UBE2E2: variants seen among roughly 807,000 people sequenced by gnomAD.
UBE2E2 encodes the protein ubiquitin conjugating enzyme E2 E2.
Under a neutral mutation model 24.7 loss-of-function variants are expected in UBE2E2, and 6 were observed. The observed-to-expected ratio is 0.24, with a 90% CI of 0.13 to 0.48. The LOEUF (loss-of-function observed/expected upper bound fraction) is 0.48. UBE2E2 is among the 20% of genes least tolerant of loss of function. The pLI is 0.99. For synonymous variants in UBE2E2, 104 were observed against 83.6 expected, an observed-to-expected ratio of 1.24 and a Z score of -1.33; for missense variants, 169 against 245.0, an observed-to-expected ratio of 0.69 and a Z score of 2.07.
chr3:23,375,457 C>T (rs1198574886), intron 3 of UBE2E2, among the ~76,000 whole-genome samples: 1 of 152,132 alleles, frequency 6.6e-6, no homozygotes, highest in East Asian at 1.9e-4. Context: ...ACACTTAGTC[C>T]TCATCCTCAA....
chr3:23,264,355 A>AC (rs1697984892), intron 3 of UBE2E2, among the ~76,000 whole-genome samples: 1 of 152,060 alleles, frequency 6.6e-6, no homozygotes, highest in African/African-American at 2.4e-5. Flanking sequence ...AAAATAAAAA[A>AC]CAAAAAAAGG....
intron 3 of UBE2E2, among the ~76,000 whole-genome samples, chr3:23,338,329 GA>G (rs906215557): frequency 1.3e-5 from 2 of 151,912 alleles, no homozygotes; most frequent in East Asian, 1.9e-4. Context: ...TTTAACATCA[GA>G]AAAAAAGAGC....
At chr3:23,307,166 G>A (rs756400571) in intron 3 of UBE2E2, among the ~76,000 whole-genome samples, 5 of 152,108 alleles carry the variant, frequency 3.3e-5, no homozygotes, top group Middle Eastern at 6.8e-3. Flanking sequence ...CTCCCTTTCC[G>A]TTTTGTCTTT....
chr3:23,290,819 C>A (rs1245591613), intron 3 of UBE2E2, among the ~76,000 whole-genome samples: 1 of 147,690 alleles, frequency 6.8e-6, no homozygotes, highest in African/African-American at 2.5e-5. Flanking sequence ...TCTGGGGAGG[C>A]CAAGGTGGGA....
chr3:23,206,994 T>C (rs1021678441), intron 1 of UBE2E2, among the ~76,000 whole-genome samples: 9 of 152,208 alleles, frequency 5.9e-5, no homozygotes, highest in African/African-American at 1.9e-4. Context: ...TTTAAAGATA[T>C]ATTTTTTGCT....
At chr3:23,221,253 T>C (rs1248787710) in intron 3 of UBE2E2, among the ~76,000 whole-genome samples, 1 of 152,230 alleles carries the variant, frequency 6.6e-6, no homozygotes, top group African/African-American at 2.4e-5. Flanking sequence ...AAGAATCTGC[T>C]CATGGAACAC....
At chr3:23,262,262 T>C (rs13060112) in intron 3 of UBE2E2, among the ~76,000 whole-genome samples, 10,377 of 152,154 alleles carry the variant, frequency 0.068, 508 homozygotes, top group Non-Finnish European at 0.092. Flanking sequence ...TTTGGAAAAA[T>C]GTGTATTCAG....
At chr3:23,342,915 G>A (rs1695438302) in intron 3 of UBE2E2, among the ~76,000 whole-genome samples, 1 of 151,898 alleles carries the variant, frequency 6.6e-6, no homozygotes, top group Admixed American at 6.6e-5. Context: ...GTTATTTTAG[G>A]ACAAATTTTG....
chr3:23,481,056 A>G (rs981098694), intron 3 of UBE2E2, among the ~76,000 whole-genome samples: 1 of 152,238 alleles, frequency 6.6e-6, no homozygotes, highest in African/African-American at 2.4e-5. Context: ...TGAAGTATCA[A>G]TGGCTTTTGT....
At chr3:23,426,109 GT>G (rs1183952466) in intron 3 of UBE2E2, among the ~76,000 whole-genome samples, 12 of 152,232 alleles carry the variant, frequency 7.9e-5, no homozygotes, top group African/African-American at 2.6e-4. Flanking sequence ...AATGAAGAAT[GT>G]TTTAAATGAG....
chr3:23,530,469 A>G (rs1695096804), intron 4 of UBE2E2, among the ~76,000 whole-genome samples: 1 of 152,136 alleles, frequency 6.6e-6, no homozygotes, highest in Non-Finnish European at 1.5e-5. Flanking sequence ...TGAGTTGTTT[A>G]TTTTATCAGT....
chr3:23,485,409 C>T (rs1699344770), intron 3 of UBE2E2, among the ~76,000 whole-genome samples: 1 of 152,154 alleles, frequency 6.6e-6, no homozygotes, highest in Non-Finnish European at 1.5e-5. Flanking sequence ...AACACTACCT[C>T]TTGTTGGCAA....
chr3:23,250,967 C>G (rs1195369216), intron 3 of UBE2E2, among the ~76,000 whole-genome samples: 1 of 152,180 alleles, frequency 6.6e-6, no homozygotes, highest in African/African-American at 2.4e-5. Flanking sequence ...AAGTGATCCT[C>G]CTGCCTCAGC....
chr3:23,423,759 C>G (rs944948930), intron 3 of UBE2E2, among the ~76,000 whole-genome samples: 1 of 152,162 alleles, frequency 6.6e-6, no homozygotes, highest in Non-Finnish European at 1.5e-5. Context: ...TTATGATACT[C>G]ATGAATGTTT....
chr3:23,441,211 A>G (rs1698295138), intron 3 of UBE2E2, among the ~76,000 whole-genome samples: 1 of 151,966 alleles, frequency 6.6e-6, no homozygotes, highest in Non-Finnish European at 1.5e-5. Flanking sequence ...CTGTGAAGTG[A>G]GCATCTATCA....
chr3:23,221,782 G>A (rs532788552), intron 3 of UBE2E2, among the ~76,000 whole-genome samples: 5 of 152,126 alleles, frequency 3.3e-5, no homozygotes, highest in African/African-American at 7.2e-5. Context: ...AATTACAGGC[G>A]TGCGCCACCA....
intron 4 of UBE2E2, among the ~76,000 whole-genome samples, chr3:23,530,747 G>A (rs1020292069): frequency 5.3e-5 from 8 of 152,172 alleles, no homozygotes; most frequent in Admixed American, 2.0e-4. Flanking sequence ...ATATAAGGGC[G>A]CTCAATTCTA....
At position 23,291,321 on chromosome 3, in the gene UBE2E2, A is replaced by G. The variant is rs184057498; in HGVS notation, c.227+74009A>G. ...GTTTAACATCTGGGCACAAAGATTT[A>G]AAAGAGTAGGAAAAAACATTTAAAA... On this transcript the variant is annotated intron_variant, in intron 3 of 5. Coordinates refer to ENST00000396703, the MANE Select transcript of UBE2E2 (RefSeq NM_152653.4). 2.5e-3 allele frequency among the ~76,000 whole-genome samples: 377 copies of G among 152,320 alleles called. 3 individuals are homozygous for G. The highest frequency in any genetic ancestry group is 8.7e-3 in the African/African-American group (362 of 41,574).
chr3:23,250,264 A>G (rs1027362536), intron 3 of UBE2E2, among the ~76,000 whole-genome samples: 5 of 152,152 alleles, frequency 3.3e-5, no homozygotes, highest in African/African-American at 1.2e-4. Flanking sequence ...CTATTAACCT[A>G]TCTTCTACGC....
Sources: gnomAD v4.1 joint callset for allele counts (sites outside exome capture counted in the v4.1 genomes callset) on GRCh38, gnomAD v4.1.1 for gene constraint, MANE v1.5 for transcripts, NCBI Gene and HGNC (gene_info 2026-07-23, HGNC 2026-07-21) for gene names.